The following MAST2 variants were observed in gnomAD, a reference collection of about 807,000 sequenced individuals.
MAST2 encodes microtubule associated serine/threonine kinase 2, also known as microtubule-associated serine/threonine-protein kinase 2.
In MAST2, 70 loss-of-function variants were observed where a neutral mutation model predicts 147.4. The ratio of observed to expected loss-of-function variants is 0.47; its 90% CI spans 0.39 to 0.58. The LOEUF (loss-of-function observed/expected upper bound fraction) is 0.58, where lower values mean the gene tolerates loss of function less well. Among genes scored for constraint, MAST2 ranks in the 20% least tolerant of loss-of-function variants. The pLI, the probability that MAST2 is intolerant of heterozygous loss-of-function variation, is 0.00. For synonymous variants in MAST2, 869 were observed against 896.8 expected, an observed-to-expected ratio of 0.97 and a Z score of 0.55; for missense variants, 2,080 against 2,302.3, an observed-to-expected ratio of 0.90 and a Z score of 1.98.
At chr1:45,934,497 C>T (rs1247634158) in intron 4 of MAST2, among the ~76,000 whole-genome samples, 1 of 151,910 alleles carries the variant, frequency 6.6e-6, no homozygotes, top group East Asian at 2.0e-4. Flanking sequence ...ATGATCTCAG[C>T]TCACTGCAAC....
At chr1:46,024,231 C>T (rs909870944) in intron 15 of MAST2, 9 of 481,812 alleles carry the variant, frequency 1.9e-5, no homozygotes, top group African/African-American at 1.8e-4. Flanking sequence ...TCTTGCACCC[C>T]AAAGCCTGCA....
rs892896551 is a variant in MAST2, at chr1:45,940,232, A to T, written c.501-19154A>T. Among the ~76,000 whole-genome samples the T allele has an allele frequency of 9.9e-5, 15 of 151,986 alleles. 1 individual carries two copies. The highest frequency in any genetic ancestry group is 6.2e-4 in the South Asian group (3 of 4,810). On this transcript the variant is annotated intron_variant, in intron 4 of 28. Transcript: ENST00000361297. ...GGTCTCGAACTCCTGACTTCAGGTG[A>T]TCCACCCGCCTCGGCCTCCCAAAGT...
At chr1:45,835,586 A>C (rs1645080241) in intron 3 of MAST2, among the ~76,000 whole-genome samples, 1 of 150,798 alleles carries the variant, frequency 6.6e-6, no homozygotes, top group Non-Finnish European at 1.5e-5. Context: ...ATTATTATTG[A>C]ATTTTGTTGA....
chr1:45,996,314 G>A (rs1186326837), intron 5 of MAST2, among the ~76,000 whole-genome samples: 1 of 151,876 alleles, frequency 6.6e-6, no homozygotes, highest in African/African-American at 2.4e-5. Context: ...GAATCAAACT[G>A]TGGGTATTTG....
intron 5 of MAST2, among the ~76,000 whole-genome samples, chr1:45,968,812 A>G (rs1553248677): frequency 7.0e-6 from 1 of 143,172 alleles, no homozygotes; most frequent in Non-Finnish European, 1.5e-5. Context: ...TTCTTCTTGT[A>G]TTACTGCTGC....
intron 5 of MAST2, among the ~76,000 whole-genome samples, chr1:45,960,392 C>A (rs915449082): frequency 9.9e-5 from 15 of 152,116 alleles, no homozygotes; most frequent in African/African-American, 3.6e-4. Flanking sequence ...ACATGTAGTT[C>A]CAGCTACTTG....
At chr1:45,974,506 GGATCATCT>G (rs1644054440) in intron 5 of MAST2, among the ~76,000 whole-genome samples, 1 of 152,130 alleles carries the variant, frequency 6.6e-6, no homozygotes, top group Non-Finnish European at 1.5e-5. Context: ...TGAGGTGGGA[GGATCATCT>G]GAGTCTGAGG....
chr1:45,866,056 A>G (rs944509607), intron 3 of MAST2, among the ~76,000 whole-genome samples: 2 of 152,242 alleles, frequency 1.3e-5, no homozygotes, highest in Non-Finnish European at 2.9e-5. Flanking sequence ...TTTTAAAATT[A>G]TCATGAATTA....
chr1:45,847,561 T>G, intron 3 of MAST2: 1 of 813,396 alleles, frequency 1.2e-6, no homozygotes, highest in Non-Finnish European at 1.9e-6. Context: ...TATGGATGAA[T>G]GACTTTTTTT....
Position 46,032,434 on chromosome 1 carries a change from C to CCCTGCTTCATCATCCTT in MAST2, c.3414+33_3414+49dup, listed in dbSNP as rs771366144. On this transcript the variant is annotated intron_variant, in intron 25 of 28. Coordinates refer to ENST00000361297, the MANE Select transcript of MAST2 (RefSeq NM_015112.3). Reference sequence around the variant, plus strand: ...GTCTGACCATCCAGACCTGCTGTCTCCCTGCTTCATCATCCTTCCAGCTTC... The same window carrying CCCTGCTTCATCATCCTT: ...GTCTGACCATCCAGACCTGCTGTCTCCCTGCTTCATCATCCTTCCTGCTTCATCATCCTTCCAGCTTC... The CCCTGCTTCATCATCCTT allele has an allele frequency of 5.0e-6, 8 of 1,609,700 alleles. No homozygotes were observed. The African/African-American group carries it at 9.4e-5, about 19-fold the overall frequency.
intron 3 of MAST2, among the ~76,000 whole-genome samples, chr1:45,867,916 G>A (rs182985239): frequency 1.3e-5 from 2 of 152,314 alleles, no homozygotes; most frequent in Admixed American, 1.3e-4. Flanking sequence ...TATTTGCTCA[G>A]CTTCATTGCT....
At chr1:46,032,813 C>T in intron 26 of MAST2, 95 bp downstream of exon 26, 3 of 1,417,298 alleles carry the variant, frequency 2.1e-6, no homozygotes, top group Non-Finnish European at 2.8e-6. Flanking sequence ...TGGGTGCACA[C>T]ACATCTACAC....
intron 10 of MAST2, among the ~76,000 whole-genome samples, chr1:46,016,852 AGCCCGCATC>A: frequency 6.6e-6 from 1 of 152,316 alleles, no homozygotes; most frequent in African/African-American, 2.4e-5. Flanking sequence ...ACCAAAAAAG[AGCCCGCATC>A]GCCAAGTCAA....
Position 46,029,949 on chromosome 1 carries a change from T to G in MAST2, c.2439T>G (p.Phe813Leu), listed in dbSNP as rs1216790891. 6.2e-7 allele frequency: 1 copy of G among 1,614,166 alleles called. No homozygotes were observed. Among genetic ancestry groups the G allele is most frequent in the Non-Finnish European group, 8.5e-7 (1 of 1,180,026 alleles). The change falls in exon 20 of 29, where the codon TTT becomes TTG. Residue 813 changes from phenylalanine to leucine, a missense_variant. By Grantham distance (22) the Phe-to-Leu change is conservative (BLOSUM62 0). Coordinates refer to ENST00000361297, the MANE Select transcript of MAST2 (RefSeq NM_015112.3). ...QLESEDDTSY[F>L]DTRSERYHHM... ...AGTCAGAGGATGATACTAGCTATTTTGACAGTAAGGCCACCGATGGGTGGG... is the reference window on the plus strand; with the variant it reads ...AGTCAGAGGATGATACTAGCTATTTGGACAGTAAGGCCACCGATGGGTGGG...
intron 5 of MAST2, among the ~76,000 whole-genome samples, chr1:45,972,391 G>A (rs1428445211): frequency 1.3e-5 from 2 of 152,194 alleles, no homozygotes; most frequent in African/African-American, 2.4e-5. Flanking sequence ...CCAGAAGAGG[G>A]GAAAAGTTTC....
At chr1:45,959,622 C>T in intron 5 of MAST2, 145 bp downstream of exon 5, 1 of 659,792 alleles carries the variant, frequency 1.5e-6, no homozygotes, top group Non-Finnish European at 2.6e-6. Context: ...CATGGGCTTG[C>T]TTTCTGTACG....
Position 46,035,922 on chromosome 1 carries a change from T to TGACA in MAST2, c.5256_5259dup (p.Arg1754GlnfsTer17). ...TCACCCAAGTGCCTGATGCCTCAGGTGACAGAAGGCAGGACGTTCCATGCC... is the reference window on the plus strand; with the variant it reads ...TCACCCAAGTGCCTGATGCCTCAGGTGACAGACAGAAGGCAGGACGTTCCATGCC... On this transcript the variant is annotated frameshift_variant, in exon 29 of 29. Transcript: ENST00000361297. LOFTEE classifies it high-confidence loss of function. This position sits in a 1 kb window ranked among gnomAD's most constrained non-coding sequence, Gnocchi z 5.5. 1 of 1,613,832 alleles carries TGACA rather than the reference T, an allele frequency of 6.2e-7. No homozygotes were observed. The highest frequency in any genetic ancestry group is 8.5e-7 in the Non-Finnish European group (1 of 1,179,990).
chr1:45,893,895 T>C (rs888948985), intron 4 of MAST2, among the ~76,000 whole-genome samples: 2 of 152,168 alleles, frequency 1.3e-5, no homozygotes, highest in African/African-American at 4.8e-5. Context: ...AAACACGTCT[T>C]TGTGATTTTG....
chr1:45,975,567 C>G (rs1305803361), intron 5 of MAST2, among the ~76,000 whole-genome samples: 1 of 140,280 alleles, frequency 7.1e-6, no homozygotes, highest in Non-Finnish European at 1.5e-5. Context: ...GCTCAGTAGG[C>G]TGAGGTGGGA....
Sources: allele counts gnomAD v4.1 joint callset (sites outside exome capture counted in the v4.1 genomes callset), GRCh38; gene constraint gnomAD v4.1.1; non-coding constraint Gnocchi (gnomAD v3.1); transcripts MANE v1.5; gene names NCBI Gene and HGNC (gene_info 2026-07-23, HGNC 2026-07-21).